The following KAZN variants were observed in gnomAD, a reference collection of about 807,000 sequenced individuals.
KAZN encodes the protein kazrin.
Under a neutral mutation model 87.4 loss-of-function variants are expected in KAZN, and 40 were observed. The ratio of observed to expected loss-of-function variants is 0.46; its 90% confidence interval spans 0.36 to 0.60. The LOEUF (loss-of-function observed/expected upper bound fraction) is 0.60. Among genes scored for constraint, KAZN ranks in the 20% least tolerant of loss-of-function variants. The probability of loss-of-function intolerance (pLI) is 0.00; values close to 1 mark genes in which losing one functional copy is unlikely to be tolerated. For synonymous variants in KAZN, 466 were observed against 458.3 expected (o/e 1.02, Z -0.22); for missense variants, 898 against 1,073.9 (o/e 0.84, Z 2.29).
chr1:14,441,296 A>G (rs1666689996), intron 2 of KAZN, among the ~76,000 whole-genome samples: 1 of 151,970 alleles, frequency 6.6e-6, no homozygotes, highest in South Asian at 2.1e-4. Context: ...AAACCCTGAA[A>G]CTAAAGTTAT....
At chr1:14,862,913 C>A (rs1651033134) in intron 1 of KAZN, among the ~76,000 whole-genome samples, 1 of 152,146 alleles carries the variant, frequency 6.6e-6, no homozygotes, top group Admixed American at 6.5e-5. Flanking sequence ...TTCATGACAA[C>A]ACTGAGACAA....
intron 2 of KAZN, among the ~76,000 whole-genome samples, chr1:14,570,373 G>A (rs1172542357): frequency 6.6e-6 from 1 of 152,092 alleles, no homozygotes; most frequent in Non-Finnish European, 1.5e-5. Flanking sequence ...AACAAACCTT[G>A]TACCTTTTTA....
At position 15,063,664 on chromosome 1, in the gene KAZN, C is replaced by T. The variant is rs763738503; in HGVS notation, c.1098+42C>T. On this transcript the variant is annotated intron_variant, in intron 7 of 14. Coordinates refer to ENST00000376030, the MANE Select transcript of KAZN (RefSeq NM_201628.3). ...TGGCCACTTGAACCCTCCCTCCACC[C>T]CACCTTGACTACAACTTCACCCTCT... 3 of 1,477,726 alleles carry T rather than the reference C, an allele frequency of 2.0e-6. No homozygotes were observed. In the South Asian group the frequency reaches 3.4e-5, roughly 17 times the overall value. 91.5% of individuals were successfully genotyped at this position (1,477,726 alleles called of 1,614,324 possible).
At chr1:14,135,178 G>A (rs1418633802) in intron 1 of KAZN, among the ~76,000 whole-genome samples, 9 of 152,204 alleles carry the variant, frequency 5.9e-5, no homozygotes, top group African/African-American at 2.2e-4. Context: ...TGCAGTGGCA[G>A]CAGCCAGGCC....
intron 1 of KAZN, among the ~76,000 whole-genome samples, chr1:14,709,441 A>G (rs1038619552): frequency 6.6e-6 from 1 of 152,170 alleles, no homozygotes; most frequent in Non-Finnish European, 1.5e-5. Flanking sequence ...GAAAATTCCA[A>G]TGAGGCAGCT....
rs1639210422 is a variant in KAZN at position 15,066,167 on chromosome 1, C to G, written c.1222+414C>G. 9.9e-7 allele frequency: 1 copy of G among 1,015,134 alleles called. No individual in the cohort carries two copies. The highest frequency in any genetic ancestry group is 1.2e-6 in the Non-Finnish European group (1 of 849,994). 62.9% of individuals were successfully genotyped at this position (1,015,134 alleles called of 1,614,324 possible). ...TGTTTTTGTTTTTGTTTTTTTCCCC[C>G]TTTCTCCTCCCCTCCTCCTTTTTAT... On this transcript the variant is annotated intron_variant, in intron 8 of 14. Transcript: ENST00000376030. This position sits in a 1 kb window ranked among gnomAD's most constrained non-coding sequence, Gnocchi z 4.3.
At chr1:14,374,815 T>C (rs1660771062) in intron 2 of KAZN, among the ~76,000 whole-genome samples, 1 of 152,200 alleles carries the variant, frequency 6.6e-6, no homozygotes, top group South Asian at 2.1e-4. Context: ...GTAAATTGCA[T>C]GCATCAAAAC....
chr1:13,944,381 G>T (rs2143413), intron 1 of KAZN, among the ~76,000 whole-genome samples: 76,101 of 152,048 alleles, frequency 0.5, 19,520 homozygotes, highest in Admixed American at 0.58. Flanking sequence ...TGGGAATGGA[G>T]ATTAACTGTA....
intron 8 of KAZN, among the ~76,000 whole-genome samples, chr1:15,085,984 T>C (rs1213735514): frequency 6.7e-6 from 1 of 148,694 alleles, no homozygotes; most frequent in African/African-American, 2.6e-5. Flanking sequence ...AGAAAAAATT[T>C]TTTTGAGACA....
intron 1 of KAZN, among the ~76,000 whole-genome samples, chr1:14,771,217 GCC>G (rs2100591713): frequency 6.6e-6 from 1 of 152,238 alleles, no homozygotes; most frequent in African/African-American, 2.4e-5. Context: ...TAGAAGTACT[GCC>G]CCGAACTCCT....
At chr1:13,984,156 G>A (rs1473650134) in intron 1 of KAZN, among the ~76,000 whole-genome samples, 2 of 151,988 alleles carry the variant, frequency 1.3e-5, no homozygotes, top group Non-Finnish European at 2.9e-5. Flanking sequence ...GACTACAGGC[G>A]CCCGCCACCA....
chr1:14,474,410 G>A (rs969207656), intron 2 of KAZN, among the ~76,000 whole-genome samples: 4 of 152,288 alleles, frequency 2.6e-5, no homozygotes, highest in South Asian at 2.1e-4. Context: ...TGTGAGCTGA[G>A]TTCTACATAA....
intron 2 of KAZN, among the ~76,000 whole-genome samples, chr1:14,411,379 C>G (rs1170148413): frequency 6.6e-6 from 1 of 152,182 alleles, no homozygotes; most frequent in Non-Finnish European, 1.5e-5. Flanking sequence ...AGTGTAACCT[C>G]CGTCTCCCTA....
chr1:14,128,095 G>C (rs567857320), intron 1 of KAZN, among the ~76,000 whole-genome samples: 1 of 152,290 alleles, frequency 6.6e-6, no homozygotes, highest in South Asian at 2.1e-4. Flanking sequence ...TCAGTGAAGT[G>C]AGCCAGTGGG....
At chr1:14,186,711 A>G (rs954930235) in intron 2 of KAZN, among the ~76,000 whole-genome samples, 1 of 152,170 alleles carries the variant, frequency 6.6e-6, no homozygotes, top group South Asian at 2.1e-4. Flanking sequence ...TATTACCACA[A>G]GGAAGAGGAG....
At chr1:15,063,274 G>A (rs1638947392) in intron 6 of KAZN, 3 of 444,788 alleles carry the variant, frequency 6.7e-6, no homozygotes, top group South Asian at 3.9e-5. Context: ...GACAGACTGG[G>A]ACAGGAACTT....
intron 1 of KAZN, among the ~76,000 whole-genome samples, chr1:14,097,109 G>A (rs965128643): frequency 1.3e-5 from 2 of 152,166 alleles, no homozygotes; most frequent in African/African-American, 4.8e-5. Flanking sequence ...TGCTAGGGGG[G>A]CAAGTTTTGT....
chr1:14,259,203 G>A (rs999495638), intron 2 of KAZN, among the ~76,000 whole-genome samples: 5 of 152,076 alleles, frequency 3.3e-5, no homozygotes, highest in African/African-American at 7.2e-5. Context: ...ACTTGGTGTC[G>A]GATTCAGAGA....
At chr1:14,771,620 G>A (rs1279604720) in intron 1 of KAZN, among the ~76,000 whole-genome samples, 1 of 152,162 alleles carries the variant, frequency 6.6e-6, no homozygotes, top group Non-Finnish European at 1.5e-5. Flanking sequence ...GAGGTCATGA[G>A]TTTGAGACCA....
Sources: gnomAD v4.1 joint callset for allele counts (sites outside exome capture counted in the v4.1 genomes callset) on GRCh38, gnomAD v4.1.1 for gene constraint, Gnocchi (gnomAD v3.1) non-coding constraint, MANE v1.5 for transcripts, NCBI Gene and HGNC (gene_info 2026-07-23, HGNC 2026-07-21) for gene names.